ASTN2: variants seen among roughly 807,000 people sequenced by gnomAD.
ASTN2 encodes the protein astrotactin-2.
Under a neutral mutation model 139.8 loss-of-function variants are expected in ASTN2, and 54 were observed. The ratio of observed to expected loss-of-function variants is 0.39; its 90% CI spans 0.31 to 0.48. The LOEUF is 0.48. Ranked by LOEUF, ASTN2 falls within the 20% of genes least tolerant of loss-of-function variation. ASTN2 has a pLI of 0.95. For missense variants in ASTN2, 1,565 were observed against 1,725.1 expected (o/e 0.91, Z 1.64); for synonymous variants, 756 against 719.5 (o/e 1.05, Z -0.81).
chr9:116,691,870 A>G (rs1860585055), intron 16 of ASTN2, among the ~76,000 whole-genome samples: 1 of 152,224 alleles, frequency 6.6e-6, no homozygotes, highest in Non-Finnish European at 1.5e-5. Flanking sequence ...AGCTGACATA[A>G]AAGGAAATGA....
intron 1 of ASTN2, among the ~76,000 whole-genome samples, chr9:117,292,409 G>A (rs1303582513): frequency 1.3e-5 from 2 of 152,144 alleles, no homozygotes; most frequent in African/African-American, 4.8e-5. Flanking sequence ...TTGTACAATT[G>A]TTCCAAAGTC....
intron 10 of ASTN2, among the ~76,000 whole-genome samples, chr9:116,934,152 G>A (rs142517310): frequency 3.4e-4 from 52 of 151,968 alleles, no homozygotes; most frequent in African/African-American, 1.1e-3. Flanking sequence ...TATATTTGCC[G>A]AATATCATCA....
chr9:117,041,311 T>A (rs1387710040), intron 5 of ASTN2, among the ~76,000 whole-genome samples: 2 of 152,132 alleles, frequency 1.3e-5, no homozygotes, highest in African/African-American at 4.8e-5. Context: ...ATCTCCTGGA[T>A]ATCTTTCTGT....
At chr9:116,918,305 CT>C (rs1834509783) in intron 10 of ASTN2, among the ~76,000 whole-genome samples, 1 of 152,156 alleles carries the variant, frequency 6.6e-6, no homozygotes, top group Non-Finnish European at 1.5e-5. Flanking sequence ...ACAGGGAGGG[CT>C]TTCTGCAGGT....
intron 17 of ASTN2, among the ~76,000 whole-genome samples, chr9:116,634,386 C>G (rs1307206306): frequency 6.6e-6 from 1 of 151,304 alleles, no homozygotes; most frequent in Admixed American, 6.6e-5. Context: ...GTCAGGAGAT[C>G]GAGACCATCC....
At chr9:117,260,880 G>A (rs1186168449) in intron 2 of ASTN2, among the ~76,000 whole-genome samples, 1 of 152,110 alleles carries the variant, frequency 6.6e-6, no homozygotes, top group African/African-American at 2.4e-5. Context: ...TTAAATTGAC[G>A]GGGAAGACTG....
intron 13 of ASTN2, among the ~76,000 whole-genome samples, chr9:116,759,850 T>A (rs115507308): frequency 0.012 from 1,843 of 152,200 alleles, 46 homozygotes; most frequent in African/African-American, 0.042. Context: ...TTTACCAACA[T>A]CCAGAATAGT....
Position 116,959,383 on chromosome 9 carries a change from G to T in ASTN2, c.1889+15825C>A, listed in dbSNP as rs1835814294. Among the ~76,000 whole-genome samples, 4 of 152,142 alleles carry T rather than the reference G, an allele frequency of 2.6e-5. No homozygotes were observed. The South Asian group carries it at 8.3e-4, about 32-fold the overall frequency. ...TGGATGTGACTGGAGAGAGAAGCAG[G>T]GCTGAGTCCTCAAGGGCTATGAGTG... On this transcript the variant is annotated intron_variant, in intron 10 of 22. Coordinates refer to ENST00000313400, the MANE Select transcript of ASTN2 (RefSeq NM_001365068.1).
At chr9:116,996,424 T>C (rs960405490) in intron 7 of ASTN2, among the ~76,000 whole-genome samples, 3 of 152,124 alleles carry the variant, frequency 2.0e-5, no homozygotes, top group South Asian at 2.1e-4. Context: ...GTTATCACTG[T>C]ATAAATGTGC....
chr9:116,446,989 C>T (rs1848019685), intron 20 of ASTN2, among the ~76,000 whole-genome samples: 1 of 152,232 alleles, frequency 6.6e-6, no homozygotes, highest in Non-Finnish European at 1.5e-5. Context: ...CCATCACTCT[C>T]AGGACAAATT....
intron 13 of ASTN2, among the ~76,000 whole-genome samples, chr9:116,801,123 A>G (rs1184789021): frequency 1.3e-5 from 2 of 152,158 alleles, no homozygotes; most frequent in Non-Finnish European, 2.9e-5. Context: ...GCTACTCTCT[A>G]GGGCTGGACC....
chr9:116,513,111 T>C (rs935361797), intron 19 of ASTN2, among the ~76,000 whole-genome samples: 1 of 152,210 alleles, frequency 6.6e-6, no homozygotes, highest in Non-Finnish European at 1.5e-5. Context: ...GTCTTTACAA[T>C]TTGGCATGTT....
At position 116,750,499 on chromosome 9, in the gene ASTN2, C is replaced by A. The variant is rs1312655533; in HGVS notation, c.2397-16976G>T. On this transcript the variant is annotated intron_variant, in intron 13 of 22. Transcript: ENST00000313400. ...TAATGAGCTTTGCAAAATGAGAAAC[C>A]TGCTACAGTAGAAGAAAATCTAATA... Among the ~76,000 whole-genome samples the A allele has an allele frequency of 3.9e-5, 6 of 152,062 alleles. No homozygotes were observed. The East Asian group carries it at 1.2e-3, about 29-fold the overall frequency.
At chr9:116,820,478 G>T in intron 12 of ASTN2, 139 bp downstream of exon 12, 1 of 1,144,090 alleles carries the variant, frequency 8.7e-7, no homozygotes, top group Non-Finnish European at 1.2e-6. Flanking sequence ...TTGGCTCTTG[G>T]ACTAAAACAG....
intron 5 of ASTN2, among the ~76,000 whole-genome samples, chr9:117,049,906 T>C (rs924357718): frequency 2.6e-5 from 4 of 151,870 alleles, no homozygotes; most frequent in South Asian, 2.1e-4. Flanking sequence ...AGTGTGTAGA[T>C]GAGAAATAGT....
chr9:116,832,797 T>C (rs1403101744), intron 11 of ASTN2, among the ~76,000 whole-genome samples: 3 of 152,118 alleles, frequency 2.0e-5, no homozygotes, highest in Admixed American at 1.3e-4. Context: ...GGTATATGCA[T>C]GAGGGCTATT....
chr9:116,480,245 G>C (rs1849124682), intron 20 of ASTN2, among the ~76,000 whole-genome samples: 1 of 152,060 alleles, frequency 6.6e-6, no homozygotes. Context: ...GAGGAAAGCA[G>C]ACAGAGAAAG....
chr9:116,503,136 G>A (rs2900129), intron 19 of ASTN2, among the ~76,000 whole-genome samples: 30,194 of 149,254 alleles, frequency 0.2, 3,184 homozygotes, highest in Non-Finnish European at 0.23. Context: ...AAGAAGGGAA[G>A]GAAGTAAGGA....
intron 16 of ASTN2, among the ~76,000 whole-genome samples, chr9:116,701,509 A>C (rs549163904): frequency 6.6e-6 from 1 of 152,226 alleles, no homozygotes; most frequent in Non-Finnish European, 1.5e-5. Flanking sequence ...TGCTGAGGCA[A>C]TAACAGTGGC....
Sources: gnomAD v4.1 joint callset for allele counts (sites outside exome capture counted in the v4.1 genomes callset) on GRCh38, gnomAD v4.1.1 for gene constraint, MANE v1.5 for transcripts, NCBI Gene and HGNC (gene_info 2026-07-23, HGNC 2026-07-21) for gene names.